KCNT2: variants seen among roughly 807,000 people sequenced by gnomAD.
KCNT2 encodes potassium sodium-activated channel subfamily T member 2, also known as potassium channel subfamily T member 2.
A neutral mutation model predicts 153.8 loss-of-function variants in KCNT2; 67 were observed. The ratio of observed to expected loss-of-function variants is 0.44; its 90% confidence interval spans 0.36 to 0.53. KCNT2 has a LOEUF of 0.53. KCNT2 is among the 20% of genes least tolerant of loss of function. The pLI is 0.00. For missense variants in KCNT2, 975 were observed against 1,354.8 expected (o/e 0.72, Z 4.40); for synonymous variants, 500 against 458.8 (o/e 1.09, Z -1.15).
chr1:196,354,138 A>G lies in KCNT2; in HGVS notation c.1404-11910T>C, dbSNP rs543917590. The stretch of plus-strand genomic sequence containing the variant: ...TTTAATTTTCATATTTTCTTTATGT[A>G]TATAAGAATGCCATCACACTAGAGG... On this transcript the variant is annotated intron_variant, in intron 14 of 27. Transcript: ENST00000294725. Among the ~76,000 whole-genome samples, 6 of 151,920 alleles carry G rather than the reference A, an allele frequency of 3.9e-5. No individual in the cohort carries two copies. In the South Asian group the frequency reaches 1.2e-3, roughly 31 times the overall value.
At chr1:196,561,675 A>AAAG (rs1558079974) in intron 1 of KCNT2, among the ~76,000 whole-genome samples, 105 of 36,440 alleles carry the variant, frequency 2.9e-3, no homozygotes, top group African/African-American at 4.3e-3. Flanking sequence ...AAAAAAAAAA[A>AAAG]AAGAAGAAGA....
At chr1:196,537,579 C>T (rs1655756117) in intron 1 of KCNT2, among the ~76,000 whole-genome samples, 3 of 152,112 alleles carry the variant, frequency 2.0e-5, no homozygotes, top group Admixed American at 1.3e-4. Flanking sequence ...GAACCTTGGC[C>T]AGTTCCTTCA....
intron 26 of KCNT2, among the ~76,000 whole-genome samples, chr1:196,236,308 A>G (rs1654433141): frequency 6.6e-6 from 1 of 151,508 alleles, no homozygotes; most frequent in South Asian, 2.1e-4. Context: ...AATTCTGTTC[A>G]GAATAATCAC....
chr1:196,597,513 A>G (rs1664232621), intron 1 of KCNT2, among the ~76,000 whole-genome samples: 1 of 152,114 alleles, frequency 6.6e-6, no homozygotes. Flanking sequence ...TTGCTATTTT[A>G]TGATAGGAGA....
intron 1 of KCNT2, among the ~76,000 whole-genome samples, chr1:196,595,372 T>C (rs1663925001): frequency 1.3e-5 from 2 of 152,136 alleles, no homozygotes; most frequent in South Asian, 2.1e-4. Context: ...AGGTTATTCA[T>C]ATGATATGAA....
At chr1:196,437,688 A>G (rs1315826300) in intron 8 of KCNT2, among the ~76,000 whole-genome samples, 4 of 150,946 alleles carry the variant, frequency 2.6e-5, no homozygotes, top group Non-Finnish European at 5.9e-5. Context: ...AAAAATACCT[A>G]TAAATTTTAA....
chr1:196,503,063 A>G (rs1183643840), intron 1 of KCNT2, among the ~76,000 whole-genome samples: 1 of 152,068 alleles, frequency 6.6e-6, no homozygotes, highest in Non-Finnish European at 1.5e-5. Context: ...TTATACTATT[A>G]AATGTGTAAT....
chr1:196,559,990 C>T (rs948035012), intron 1 of KCNT2, among the ~76,000 whole-genome samples: 5 of 151,794 alleles, frequency 3.3e-5, no homozygotes, highest in African/African-American at 1.2e-4. Flanking sequence ...TTTCTCCATT[C>T]AGATGTTATT....
At chr1:196,232,891 A>G (rs1654077824) in intron 27 of KCNT2, among the ~76,000 whole-genome samples, 1 of 151,548 alleles carries the variant, frequency 6.6e-6, no homozygotes, top group African/African-American at 2.4e-5. Flanking sequence ...TTATTATAAA[A>G]TACAAATAAG....
At chr1:196,446,926 AT>A (rs1675737390) in intron 8 of KCNT2, among the ~76,000 whole-genome samples, 5 of 151,618 alleles carry the variant, frequency 3.3e-5, no homozygotes, top group African/African-American at 1.2e-4. Flanking sequence ...GTCTTTACCC[AT>A]TAGAAATGTA....
At chr1:196,455,842 G>A (rs1398363749) in intron 8 of KCNT2, among the ~76,000 whole-genome samples, 1 of 152,014 alleles carries the variant, frequency 6.6e-6, no homozygotes, top group Non-Finnish European at 1.5e-5. Context: ...TGAGGCACCA[G>A]CAAGAAACCT....
intron 1 of KCNT2, among the ~76,000 whole-genome samples, chr1:196,544,449 T>A (rs1011659338): frequency 6.6e-6 from 1 of 151,978 alleles, no homozygotes; most frequent in African/African-American, 2.4e-5. Flanking sequence ...TACACTAGTC[T>A]TAAAATTTTA....
At chr1:196,482,012 A>G (rs1679059749) in intron 4 of KCNT2, among the ~76,000 whole-genome samples, 1 of 152,186 alleles carries the variant, frequency 6.6e-6, no homozygotes, top group Non-Finnish European at 1.5e-5. Flanking sequence ...GTAACCTTAA[A>G]GGAATCATAT....
intron 13 of KCNT2, among the ~76,000 whole-genome samples, chr1:196,380,160 T>C (rs983689990): frequency 6.6e-6 from 1 of 152,146 alleles, no homozygotes; most frequent in Non-Finnish European, 1.5e-5. Flanking sequence ...CAGAAAATAG[T>C]GTGTAAAGAT....
intron 22 of KCNT2, among the ~76,000 whole-genome samples, chr1:196,299,372 C>CA (rs916452153): frequency 5.3e-5 from 8 of 150,308 alleles, no homozygotes; most frequent in African/African-American, 4.9e-5. Context: ...AAAAAATCAG[C>CA]AAAAAAAAGT....
At chr1:196,453,592 GT>G in intron 8 of KCNT2, among the ~76,000 whole-genome samples, 1 of 151,930 alleles carries the variant, frequency 6.6e-6, no homozygotes, top group South Asian at 2.1e-4. Context: ...TTGTTTTAAT[GT>G]TTTCACATTA....
At chr1:196,597,469 C>G (rs560784851) in intron 1 of KCNT2, among the ~76,000 whole-genome samples, 1 of 151,402 alleles carries the variant, frequency 6.6e-6, no homozygotes, top group Non-Finnish European at 1.5e-5. Context: ...TATATCAGCA[C>G]CAGGGAGTGA....
chr1:196,416,192 T>C (rs1672740124), intron 12 of KCNT2, among the ~76,000 whole-genome samples: 1 of 151,948 alleles, frequency 6.6e-6, no homozygotes, highest in South Asian at 2.1e-4. Context: ...ATTGCAGTGC[T>C]TGTGTTCAAG....
intron 1 of KCNT2, among the ~76,000 whole-genome samples, chr1:196,508,968 T>C (rs1681376518): frequency 6.6e-6 from 1 of 152,108 alleles, no homozygotes; most frequent in East Asian, 1.9e-4. Flanking sequence ...CTGGGATGCA[T>C]GTACAAGAAG....
Sources: gnomAD v4.1 joint callset for allele counts (sites outside exome capture counted in the v4.1 genomes callset) on GRCh38, gnomAD v4.1.1 for gene constraint, MANE v1.5 for transcripts, NCBI Gene and HGNC (gene_info 2026-07-23, HGNC 2026-07-21) for gene names.